DCUN1D3: variants seen among roughly 807,000 people sequenced by gnomAD.
DCUN1D3 encodes the protein defective in cullin neddylation 1 domain containing 3.
Under a neutral mutation model 24.8 loss-of-function variants are expected in DCUN1D3, and 6 were observed. The observed-to-expected ratio is 0.24, with a 90% confidence interval of 0.13 to 0.48. The LOEUF is 0.48. DCUN1D3 is among the 20% of genes least tolerant of loss of function. The probability of loss-of-function intolerance (pLI) is 0.99; values close to 1 mark genes in which losing one functional copy is unlikely to be tolerated. For missense variants in DCUN1D3, 258 were observed against 379.4 expected (o/e 0.68, Z 2.66); for synonymous variants, 120 against 144.9 (o/e 0.83, Z 1.24).
At chr16:20,880,800 G>T (rs941806700) in intron 1 of DCUN1D3, among the ~76,000 whole-genome samples, 7 of 151,918 alleles carry the variant, frequency 4.6e-5, no homozygotes, top group African/African-American at 1.7e-4. Flanking sequence ...GTTTCCCAAG[G>T]TTTACTACGT....
Position 20,862,389 on chromosome 16 carries a change from A to G in DCUN1D3, c.150T>C (p.Asp50=), listed in dbSNP as rs768810529. The stretch of plus-strand genomic sequence containing the variant: ...CCTTCTTGGTCCCGTTGACGAGGAT[A>G]TCTCCACCTGGCTTGCCACAGGGTG... ...QVPPCGKPGG[D]ILVNGTKKAE... Residue 50 remains aspartate (D), a synonymous_variant, in exon 2 of 3, where the codon GAT becomes GAC. Transcript: ENST00000324344. 1.2e-6 allele frequency: 2 copies of G among 1,613,832 alleles called. No homozygotes were observed. The highest frequency in any genetic ancestry group is 2.7e-5 in the African/African-American group (2 of 74,858).
intron 1 of DCUN1D3, among the ~76,000 whole-genome samples, chr16:20,869,776 G>T (rs910788875): frequency 2.0e-5 from 3 of 152,238 alleles, no homozygotes; most frequent in African/African-American, 7.2e-5. Context: ...TTTACAGAGG[G>T]AGGAAGTGAA....
At chr16:20,880,914 T>G (rs1043110450) in intron 1 of DCUN1D3, among the ~76,000 whole-genome samples, 14 of 152,172 alleles carry the variant, frequency 9.2e-5, no homozygotes, top group African/African-American at 3.1e-4. Flanking sequence ...GAGCCAAAAT[T>G]CAGACTCTTA....
In DCUN1D3 at chr16:20,858,036, G is replaced by A. The variant is rs758661262; in HGVS notation, c.*1850C>T. Reference sequence around the variant, plus strand: ...TAGGTTAAGGGAGAAACCTCCAAATGTTTAACAGACAAAGTCTCATTACCT... The same window carrying A: ...TAGGTTAAGGGAGAAACCTCCAAATATTTAACAGACAAAGTCTCATTACCT... On this transcript the variant is annotated 3_prime_UTR_variant, in exon 3 of 3. Transcript: ENST00000324344. 1 of 152,550 alleles carries A rather than the reference G, an allele frequency of 6.6e-6. No individual in the cohort carries two copies. The highest frequency in any genetic ancestry group is 2.4e-5 in the African/African-American group (1 of 41,408). The allele number at this position is 152,550 out of a possible 1,614,324, so 9.4% of individuals were successfully genotyped here.
chr16:20,897,515 A>G (rs1168535244), intron 1 of DCUN1D3, among the ~76,000 whole-genome samples: 1 of 152,200 alleles, frequency 6.6e-6, no homozygotes, highest in African/African-American at 2.4e-5. Flanking sequence ...ATCAGACAAG[A>G]GTGGAACTAT....
intron 1 of DCUN1D3, among the ~76,000 whole-genome samples, chr16:20,876,300 A>C (rs1293307336): frequency 6.6e-6 from 1 of 152,190 alleles, no homozygotes; most frequent in Non-Finnish European, 1.5e-5. Flanking sequence ...AAAGATCTGA[A>C]TAGATGTTTC....
At chr16:20,900,140 C>G (rs1191553639) in intron 1 of DCUN1D3, 64 bp downstream of exon 1, 2 of 134,340 alleles carry the variant, frequency 1.5e-5, no homozygotes, top group Admixed American at 1.5e-4. Context: ...TACCCAACCC[C>G]CGCCCCTTCA....
At chr16:20,891,391 T>C (rs545726916) in intron 1 of DCUN1D3, among the ~76,000 whole-genome samples, 3 of 152,106 alleles carry the variant, frequency 2.0e-5, no homozygotes, top group South Asian at 2.1e-4. Flanking sequence ...ATAGCAAACA[T>C]TGTTAAATGT....
chr16:20,859,786 G>A lies in DCUN1D3; in HGVS notation c.*100C>T. On this transcript the variant is annotated 3_prime_UTR_variant, in exon 3 of 3. Coordinates refer to ENST00000324344, the MANE Select transcript of DCUN1D3 (RefSeq NM_173475.4). ...ACAAGGCAGAGAAAGGTGTAAAGTA[G>A]AAAATATCCGGATCTTCAGTAATTT... 2.8e-6 allele frequency: 4 copies of A among 1,451,082 alleles called. No homozygotes were observed. The highest frequency in any genetic ancestry group is 3.7e-6 in the Non-Finnish European group (4 of 1,088,830). 89.9% of individuals were successfully genotyped at this position (1,451,082 alleles called of 1,614,324 possible).
At chr16:20,880,604 C>CAA (rs34275241) in intron 1 of DCUN1D3, among the ~76,000 whole-genome samples, 25,421 of 52,230 alleles carry the variant, frequency 0.49, 8,377 homozygotes, top group Non-Finnish European at 0.6. Context: ...GACCCTGTCT[C>CAA]AAAAAAAAAA....
chr16:20,859,087 A>G lies in DCUN1D3; in HGVS notation c.*799T>C, dbSNP rs981801335. 3.2e-4 allele frequency: 49 copies of G among 152,624 alleles called. No individual in the cohort carries two copies. Among genetic ancestry groups the G allele is most frequent in the Non-Finnish European group, 6.2e-4 (42 of 68,032 alleles). The allele number at this position is 152,624 out of a possible 1,614,324, so 9.5% of individuals were successfully genotyped here. ...GGTAGCACTGCTTTCTCCGCATTCAATGCTTAAGTGGTTCTCAGTACAATG... is the reference window on the plus strand; with the variant it reads ...GGTAGCACTGCTTTCTCCGCATTCAGTGCTTAAGTGGTTCTCAGTACAATG... On this transcript the variant is annotated 3_prime_UTR_variant, in exon 3 of 3. Coordinates refer to ENST00000324344, the MANE Select transcript of DCUN1D3 (RefSeq NM_173475.4).
At position 20,859,552 on chromosome 16, in the gene DCUN1D3, A is replaced by C. The variant is rs1170833675; in HGVS notation, c.*334T>G. ...TGCCCTCCCCTACCAAAAAAAAAAA[A>C]AAAAAAACAAAAAAAAACAAAAAAA... On this transcript the variant is annotated 3_prime_UTR_variant, in exon 3 of 3. Coordinates refer to ENST00000324344, the MANE Select transcript of DCUN1D3 (RefSeq NM_173475.4). The C allele has an allele frequency of 1.5e-4, 26 of 174,862 alleles. No individual in the cohort carries two copies. The highest frequency in any genetic ancestry group is 7.6e-4 in the Admixed American group (12 of 15,738). The allele number at this position is 174,862 out of a possible 1,614,324, so 10.8% of individuals were successfully genotyped here. A position where few individuals can be genotyped will look rare whatever the true frequency, so the allele number is the denominator to read the frequency against.
intron 1 of DCUN1D3, among the ~76,000 whole-genome samples, chr16:20,891,292 G>A (rs2081891349): frequency 6.6e-6 from 1 of 152,068 alleles, no homozygotes; most frequent in Non-Finnish European, 1.5e-5. Flanking sequence ...ATACCCGGCC[G>A]ATTTTCTTTA....
intron 1 of DCUN1D3, among the ~76,000 whole-genome samples, chr16:20,891,062 T>C (rs1300994941): frequency 6.6e-6 from 1 of 152,046 alleles, no homozygotes; most frequent in Non-Finnish European, 1.5e-5. Context: ...GGCGCGATCT[T>C]GGCTCACTGC....
At chr16:20,861,767 G>A (rs535989991) in intron 2 of DCUN1D3, among the ~76,000 whole-genome samples, 1,559 of 149,464 alleles carry the variant, frequency 0.01, 8 homozygotes, top group Middle Eastern at 0.034. Flanking sequence ...AAAAGAAAAA[G>A]AAAAAGAAAA....
chr16:20,862,967 C>G (rs1356760458), intron 1 of DCUN1D3, among the ~76,000 whole-genome samples: 1 of 152,166 alleles, frequency 6.6e-6, no homozygotes, highest in Admixed American at 6.5e-5. Context: ...TGCCAACTTG[C>G]CATCACATAA....
Position 20,859,540 on chromosome 16 carries a change from C to CAAAAAAAAAAAAAAAAAAA in DCUN1D3, c.*327_*345dup, listed in dbSNP as rs61506075. On this transcript the variant is annotated 3_prime_UTR_variant, in exon 3 of 3. Coordinates refer to ENST00000324344, the MANE Select transcript of DCUN1D3 (RefSeq NM_173475.4). ...CGCCCTGCTCTATGCCCTCCCCTAC[C>CAAAAAAAAAAAAAAAAAAA]AAAAAAAAAAAAAAAAAAACAAAAA... 5 of 71,490 alleles carry CAAAAAAAAAAAAAAAAAAA rather than the reference C, an allele frequency of 7.0e-5. No homozygotes were observed. Among genetic ancestry groups the CAAAAAAAAAAAAAAAAAAA allele is most frequent in the East Asian group, 4.7e-4 (1 of 2,110 alleles). The allele number at this position is 71,490 out of a possible 1,614,324, so 4.4% of individuals were successfully genotyped here.
intron 1 of DCUN1D3, among the ~76,000 whole-genome samples, chr16:20,888,557 A>C (rs2081877470): frequency 6.6e-6 from 1 of 152,198 alleles, no homozygotes. Context: ...TTTCCGGGCT[A>C]GGGTGATTCT....
chr16:20,899,138 A>G (rs1344372405), intron 1 of DCUN1D3, among the ~76,000 whole-genome samples: 2 of 152,136 alleles, frequency 1.3e-5, no homozygotes, highest in Non-Finnish European at 2.9e-5. Context: ...TAAAAGAGCT[A>G]TTGTCCAATT....
Sources: gnomAD v4.1 joint callset for allele counts (sites outside exome capture counted in the v4.1 genomes callset) on GRCh38, gnomAD v4.1.1 for gene constraint, MANE v1.5 for transcripts, NCBI Gene and HGNC (gene_info 2026-07-23, HGNC 2026-07-21) for gene names.